The following SAFB variants were observed in gnomAD, a reference collection of about 807,000 sequenced individuals.
The protein encoded by SAFB is scaffold attachment factor B1.
Under a neutral mutation model 101.6 loss-of-function variants are expected in SAFB, and 15 were observed. The ratio of observed to expected loss-of-function variants is 0.15; its 90% CI spans 0.10 to 0.23. SAFB has a LOEUF of 0.23. Among genes scored for constraint, SAFB ranks in the 10% least tolerant of loss-of-function variants. The pLI is 1.00. For missense variants in SAFB, 930 were observed against 1,104.1 expected (o/e 0.84, Z 2.23); for synonymous variants, 449 against 407.5 (o/e 1.10, Z -1.23).
In SAFB at chr19:5,657,367, C is replaced by T. The variant is rs781426124; in HGVS notation, c.1862+20C>T. ...CCATAGGTGAGTAGGGATCCAGGAACGGTTTGGTGTTTTTCCTAGAATGTG... is the reference window on the plus strand; with the variant it reads ...CCATAGGTGAGTAGGGATCCAGGAATGGTTTGGTGTTTTTCCTAGAATGTG... On this transcript the variant is annotated intron_variant, in intron 14 of 20. Transcript: ENST00000588852. The T allele has an allele frequency of 2.8e-5, 42 of 1,525,894 alleles. No homozygotes were observed. The highest frequency in any genetic ancestry group is 4.5e-5 in the South Asian group (4 of 88,664). 94.5% of individuals were successfully genotyped at this position (1,525,894 alleles called of 1,614,324 possible).
intron 5 of SAFB, among the ~76,000 whole-genome samples, chr19:5,647,704 A>G (rs2053854292): frequency 6.6e-6 from 1 of 152,182 alleles, no homozygotes; most frequent in South Asian, 2.1e-4. Context: ...CAGTAGAAAA[A>G]TGAAAACACT....
At chr19:5,633,327 C>G (rs1381657499) in intron 2 of SAFB, among the ~76,000 whole-genome samples, 1 of 152,092 alleles carries the variant, frequency 6.6e-6, no homozygotes. Flanking sequence ...CAGACAGGCT[C>G]CCCTGTCATT....
Position 5,640,656 on chromosome 19 carries a change from C to G in SAFB, c.275-938C>G, listed in dbSNP as rs186078503. On this transcript the variant is annotated intron_variant, in intron 2 of 20. Transcript: ENST00000588852. ...CCAGGCTGGAGTGCAGCGGCACGAT[C>G]TCAGCTCACTGCAACCTAAACCTCC... Among the ~76,000 whole-genome samples, 372 of 152,280 alleles carry G rather than the reference C, an allele frequency of 2.4e-3. 1 individual carries two copies. Among genetic ancestry groups the G allele is most frequent in the African/African-American group, 8.7e-3 (362 of 41,558 alleles).
chr19:5,637,766 A>C (rs2053625171), intron 2 of SAFB, among the ~76,000 whole-genome samples: 1 of 152,240 alleles, frequency 6.6e-6, no homozygotes, highest in African/African-American at 2.4e-5. Context: ...ATGTTCTTCA[A>C]AAAGCTGAGC....
intron 1 of SAFB, among the ~76,000 whole-genome samples, chr19:5,625,100 T>C (rs2053328208): frequency 6.6e-6 from 1 of 152,190 alleles, no homozygotes; most frequent in African/African-American, 2.4e-5. Context: ...CTTCAAGATG[T>C]GGTCCCAAAA....
intron 2 of SAFB, among the ~76,000 whole-genome samples, chr19:5,628,273 C>G (rs1217788414): frequency 6.6e-6 from 1 of 152,124 alleles, no homozygotes; most frequent in Non-Finnish European, 1.5e-5. Context: ...TCAGCTGAAG[C>G]TGGGCTTGTA....
chr19:5,656,825 G>A (rs1025459577), intron 13 of SAFB, among the ~76,000 whole-genome samples: 2 of 151,724 alleles, frequency 1.3e-5, no homozygotes, highest in African/African-American at 4.8e-5. Flanking sequence ...GGCTGGAGTC[G>A]AGTGGCTCGA....
intron 12 of SAFB, 26 bp downstream of exon 12, chr19:5,654,226 TTC>T: frequency 6.2e-7 from 1 of 1,613,342 alleles, no homozygotes; most frequent in African/African-American, 1.3e-5. Flanking sequence ...GCCCAGGAGA[TTC>T]TGTCTTGTTT....
chr19:5,663,297 G>A lies in SAFB; in HGVS notation c.2154-725G>A, dbSNP rs186203920. ...ATTACAGGCATGAGCCACTACGCCC[G>A]GCAGTAAGATTAATTTTAATTTCTC... On this transcript the variant is annotated intron_variant, in intron 15 of 20. Transcript: ENST00000588852. Among the ~76,000 whole-genome samples, 18 of 152,280 alleles carry A rather than the reference G, an allele frequency of 1.2e-4. 1 individual carries two copies. Among genetic ancestry groups the A allele is most frequent in the Admixed American group, 9.8e-4 (15 of 15,296 alleles).
chr19:5,663,143 T>C (rs1455062150), intron 15 of SAFB, among the ~76,000 whole-genome samples: 2 of 151,836 alleles, frequency 1.3e-5, no homozygotes, highest in East Asian at 2.0e-4. Flanking sequence ...GCTAGGATTA[T>C]AGGCATGTGC....
intron 13 of SAFB, among the ~76,000 whole-genome samples, chr19:5,656,604 T>A (rs2054067747): frequency 7.1e-6 from 1 of 140,946 alleles, no homozygotes; most frequent in South Asian, 2.2e-4. Context: ...TTTGTCAGAG[T>A]ATCGCTCTGT....
chr19:5,627,379 G>A (rs142710298), intron 2 of SAFB, among the ~76,000 whole-genome samples: 3 of 152,168 alleles, frequency 2.0e-5, no homozygotes, highest in African/African-American at 7.2e-5. Context: ...AAGGCGGGAG[G>A]ATCATTTGAA....
At chr19:5,639,023 G>A (rs1390749784) in intron 2 of SAFB, among the ~76,000 whole-genome samples, 3 of 152,020 alleles carry the variant, frequency 2.0e-5, no homozygotes, top group South Asian at 2.1e-4. Context: ...CACCACGCCT[G>A]GCAAGTATTT....
Position 5,645,378 on chromosome 19 carries a change from A to G in SAFB, c.588A>G (p.Ser196=), listed in dbSNP as rs767849744. The stretch of plus-strand genomic sequence containing the variant: ...CTATAAACAATTTAGATACTTCATC[A>G]TCTGACTTCACTATATTACAGGTAA... The part of the protein sequence containing the change: ...KETINNLDTS[S]SDFTILQEIE... Residue 196 remains serine (S), a synonymous_variant, in exon 5 of 21, where the codon TCA becomes TCG. Coordinates refer to ENST00000588852, the MANE Select transcript of SAFB (RefSeq NM_001201338.2). 1.5e-6 allele frequency: 2 copies of G among 1,378,726 alleles called. No homozygotes were observed. Among genetic ancestry groups the G allele is most frequent in the South Asian group, 2.3e-5 (2 of 85,720 alleles). 85.4% of individuals were successfully genotyped at this position (1,378,726 alleles called of 1,614,324 possible). A position where few individuals can be genotyped will look rare whatever the true frequency, so the allele number is the denominator to read the frequency against.
At chr19:5,624,699 T>TC (rs2053312014) in intron 1 of SAFB, among the ~76,000 whole-genome samples, 1 of 142,406 alleles carries the variant, frequency 7.0e-6, no homozygotes, top group Non-Finnish European at 1.6e-5. Flanking sequence ...TTTTTTTTTT[T>TC]TTTTTTTCCT....
chr19:5,634,120 GAATTAACAGGA>G (rs1391287980), intron 2 of SAFB, among the ~76,000 whole-genome samples: 1 of 152,074 alleles, frequency 6.6e-6, no homozygotes, highest in Non-Finnish European at 1.5e-5. Context: ...ATAGTAAATA[GAATTAACAGGA>G]AATTTTCAAG....
intron 4 of SAFB, among the ~76,000 whole-genome samples, chr19:5,643,959 GT>G (rs2053774167): frequency 6.6e-6 from 1 of 152,166 alleles, no homozygotes; most frequent in South Asian, 2.1e-4. Flanking sequence ...CTTGCAAGAG[GT>G]TTTCGGAAGA....
intron 2 of SAFB, among the ~76,000 whole-genome samples, chr19:5,631,248 G>A (rs759638655): frequency 5.9e-4 from 90 of 152,070 alleles, no homozygotes; most frequent in Non-Finnish European, 1.1e-3. Context: ...CTCCCAGTGC[G>A]TCTCCCCTCC....
Position 5,667,723 on chromosome 19 carries a change from TG to T in SAFB, c.2558-92del. The T allele has an allele frequency of 3.3e-6, 4 of 1,198,016 alleles. No homozygotes were observed. The highest frequency in any genetic ancestry group is 4.9e-6 in the Non-Finnish European group (4 of 817,206). 74.2% of individuals were successfully genotyped at this position (1,198,016 alleles called of 1,614,324 possible). Reference sequence around the variant, plus strand: ...CTGGGACCCGCTAGTTGTGGGTACCTGGGGGCCTCACCAAAGGGAGTGGAGT... The same window carrying T: ...CTGGGACCCGCTAGTTGTGGGTACCTGGGGCCTCACCAAAGGGAGTGGAGT... On this transcript the variant is annotated intron_variant, in intron 19 of 20. Coordinates refer to ENST00000588852, the MANE Select transcript of SAFB (RefSeq NM_001201338.2). This position sits in a 1 kb window ranked among gnomAD's most constrained non-coding sequence, Gnocchi z 4.0.
Sources: gnomAD v4.1 joint callset for allele counts (sites outside exome capture counted in the v4.1 genomes callset) on GRCh38, gnomAD v4.1.1 for gene constraint, Gnocchi (gnomAD v3.1) non-coding constraint, MANE v1.5 for transcripts, NCBI Gene and HGNC (gene_info 2026-07-23, HGNC 2026-07-21) for gene names.